The following KCNH8 variants were observed in gnomAD, a reference collection of about 807,000 sequenced individuals.
The protein encoded by KCNH8 is potassium voltage-gated channel subfamily H member 8.
KCNH8 carries 70 observed loss-of-function variants against 103.6 expected under a neutral mutation model. The observed-to-expected ratio is 0.68, with a 90% confidence interval of 0.56 to 0.82. The LOEUF is 0.82. KCNH8 is among the 40% of genes least tolerant of loss of function. The probability of loss-of-function intolerance (pLI) is 0.00; values close to 1 mark genes in which losing one functional copy is unlikely to be tolerated. For missense variants in KCNH8, 1,217 were observed against 1,329.9 expected (o/e 0.92, Z 1.32); for synonymous variants, 498 against 489.4 (o/e 1.02, Z -0.23).
chr3:19,438,345 C>G lies in KCNH8; in HGVS notation c.1359C>G (p.Cys453Trp), dbSNP rs534263623. 1 of 1,613,590 alleles carries G rather than the reference C, an allele frequency of 6.2e-7. No homozygotes were observed. The highest frequency in any genetic ancestry group is 1.7e-5 in the Admixed American group (1 of 59,902). ...NTDAEKIFSI[C>W]TMLIGALMHA... Reference sequence around the variant, plus strand: ...ATGCAGAAAAGATCTTCTCCATCTGCACCATGCTGATTGGTGGTAAGAGAG... The same window carrying G: ...ATGCAGAAAAGATCTTCTCCATCTGGACCATGCTGATTGGTGGTAAGAGAG... The change falls in exon 8 of 16, where the codon TGC becomes TGG. Residue 453 changes from cysteine (C) to tryptophan (W), a missense_variant. Physicochemically the swap from Cys to Trp is radical, Grantham distance 215 (BLOSUM62 -2). This residue lies in a region of KCNH8 where 415 missense variants were observed against 577.4 expected (regional missense o/e 0.72). Transcript: ENST00000328405.
chr3:19,260,159 C>T (rs2125257998), intron 2 of KCNH8, among the ~76,000 whole-genome samples: 1 of 151,550 alleles, frequency 6.6e-6, no homozygotes, highest in Admixed American at 6.6e-5. Context: ...CATATTTTAG[C>T]TTCAAATACA....
chr3:19,306,703 A>G lies in KCNH8; in HGVS notation c.442+25374A>G, dbSNP rs868021551. ...ATGGGAGCAGGAGCCCCAGAGCCAG[A>G]ATTATTGTTCCATCTTCCTTGCCAA... is the stretch of plus-strand genomic sequence containing the variant. On this transcript the variant is annotated intron_variant, in intron 3 of 15. Coordinates refer to ENST00000328405, the MANE Select transcript of KCNH8 (RefSeq NM_144633.3). Among the ~76,000 whole-genome samples the G allele has an allele frequency of 2.0e-5, 3 of 152,214 alleles. No homozygotes were observed. The Middle Eastern group carries it at 0.01, about 518-fold the overall frequency.
At chr3:19,252,681 C>T (rs143190503) in intron 1 of KCNH8, among the ~76,000 whole-genome samples, 222 of 152,228 alleles carry the variant, frequency 1.5e-3, no homozygotes, top group African/African-American at 4.3e-3. Flanking sequence ...AGCCACCACA[C>T]CCAGCCTGAA....
At chr3:19,489,545 G>A (rs536553786) in intron 11 of KCNH8, among the ~76,000 whole-genome samples, 160 of 152,162 alleles carry the variant, frequency 1.1e-3, no homozygotes, top group Middle Eastern at 3.4e-3. Context: ...GATGGCCAAC[G>A]TACCTGTAAT....
chr3:19,262,731 G>A lies in KCNH8; in HGVS notation c.310+8844G>A, dbSNP rs566168281. Among the ~76,000 whole-genome samples, 484 of 151,986 alleles carry A rather than the reference G, an allele frequency of 3.2e-3. 3 individuals are homozygous for A. Among genetic ancestry groups the A allele is most frequent in the Non-Finnish European group, 5.7e-3 (389 of 67,958 alleles). ...GAATACCAGAGTTCCTAGCGTGGACGACACTTGTAGTTGCTTTAGAATTTC... is the reference window on the plus strand; with the variant it reads ...GAATACCAGAGTTCCTAGCGTGGACAACACTTGTAGTTGCTTTAGAATTTC... On this transcript the variant is annotated intron_variant, in intron 2 of 15. Coordinates refer to ENST00000328405, the MANE Select transcript of KCNH8 (RefSeq NM_144633.3).
chr3:19,287,951 G>T (rs1358926253), intron 3 of KCNH8, among the ~76,000 whole-genome samples: 1 of 151,958 alleles, frequency 6.6e-6, no homozygotes, highest in African/African-American at 2.4e-5. Flanking sequence ...AAGTCAAGCT[G>T]CCCTGTTCAT....
chr3:19,515,823 G>T (rs1361842533), intron 14 of KCNH8, among the ~76,000 whole-genome samples: 1 of 152,036 alleles, frequency 6.6e-6, no homozygotes, highest in Non-Finnish European at 1.5e-5. Context: ...AGTTTATTCA[G>T]TGTGAGGTTA....
At chr3:19,328,640 A>G (rs1331407267) in intron 3 of KCNH8, among the ~76,000 whole-genome samples, 1 of 152,298 alleles carries the variant, frequency 6.6e-6, no homozygotes, top group East Asian at 1.9e-4. Flanking sequence ...ATATAAATAG[A>G]AAGTAATAGC....
rs776601881 is a variant in KCNH8 at position 19,350,364 on chromosome 3, C to T, written c.811+2399C>T. On this transcript the variant is annotated intron_variant, in intron 5 of 15. Transcript: ENST00000328405. The stretch of plus-strand genomic sequence containing the variant: ...AGACTTAAACTTCCCTGTCTGACAG[C>T]TTTGAAGAGAGGAGCGGTTCTCCCA... Among the ~76,000 whole-genome samples, 149 of 152,122 alleles carry T rather than the reference C, an allele frequency of 9.8e-4. 1 individual carries two copies. In the Middle Eastern group the frequency reaches 0.01, roughly 10 times the overall value.
chr3:19,406,127 T>C lies in KCNH8; in HGVS notation c.1177+10816T>C, dbSNP rs138452589. On this transcript the variant is annotated intron_variant, in intron 7 of 15. Transcript: ENST00000328405. ...CAACTAATGCCTTGGTCTGTTGACATATCTTTAGTGGTAAATGAAAACTAC... is the reference window on the plus strand; with the variant it reads ...CAACTAATGCCTTGGTCTGTTGACACATCTTTAGTGGTAAATGAAAACTAC... Among the ~76,000 whole-genome samples, 21 of 152,198 alleles carry C rather than the reference T, an allele frequency of 1.4e-4. 1 individual carries two copies. In the East Asian group the frequency reaches 3.1e-3, roughly 22 times the overall value.
chr3:19,482,366 G>A (rs1295307911), intron 11 of KCNH8, among the ~76,000 whole-genome samples: 1 of 152,154 alleles, frequency 6.6e-6, no homozygotes, highest in Non-Finnish European at 1.5e-5. Context: ...GACAATATGA[G>A]GGGTGGTCTC....
intron 5 of KCNH8, among the ~76,000 whole-genome samples, chr3:19,384,532 A>T (rs567221066): frequency 6.6e-6 from 1 of 152,332 alleles, no homozygotes; most frequent in African/African-American, 2.4e-5. Flanking sequence ...TTCAGTATTT[A>T]GTAATAAAAG....
At chr3:19,245,909 C>G (rs2064198475) in intron 1 of KCNH8, among the ~76,000 whole-genome samples, 1 of 151,974 alleles carries the variant, frequency 6.6e-6, no homozygotes, top group Admixed American at 6.6e-5. Context: ...ACTTATTTTC[C>G]CATTTGAATA....
intron 6 of KCNH8, chr3:19,391,674 T>C (rs2066439823): frequency 6.6e-6 from 1 of 152,052 alleles, no homozygotes; most frequent in African/African-American, 2.4e-5. Context: ...TTTCTTTTTA[T>C]TCTTTTTCTT....
At chr3:19,493,826 G>C (rs967722685) in intron 11 of KCNH8, among the ~76,000 whole-genome samples, 1 of 152,014 alleles carries the variant, frequency 6.6e-6, no homozygotes, top group Non-Finnish European at 1.5e-5. Context: ...ATTAGTACAT[G>C]ATGAACCATT....
chr3:19,442,037 T>C (rs532256324), intron 8 of KCNH8, among the ~76,000 whole-genome samples: 1 of 152,262 alleles, frequency 6.6e-6, no homozygotes, highest in East Asian at 1.9e-4. Flanking sequence ...GAGAGTTTCT[T>C]GGAAAGACAG....
intron 5 of KCNH8, among the ~76,000 whole-genome samples, chr3:19,381,688 C>A (rs1559300079): frequency 1.3e-5 from 2 of 151,240 alleles, no homozygotes; most frequent in African/African-American, 4.9e-5. Context: ...ACGAGAATTG[C>A]TAAAAGGGAA....
intron 5 of KCNH8, among the ~76,000 whole-genome samples, chr3:19,387,898 G>A (rs1307229011): frequency 6.7e-6 from 1 of 149,544 alleles, no homozygotes; most frequent in Non-Finnish European, 1.5e-5. Flanking sequence ...CTCTTTAAAC[G>A]AATATTCTCT....
At chr3:19,153,635 C>CTTTTTTTTTT (rs773828081) in intron 1 of KCNH8, among the ~76,000 whole-genome samples, 1 of 128,914 alleles carries the variant, frequency 7.8e-6, no homozygotes, top group Non-Finnish European at 1.7e-5. Flanking sequence ...TTTCTTTTTT[C>CTTTTTTTTTT]TTTTTTTTTT....
Sources: allele counts gnomAD v4.1 joint callset (sites outside exome capture counted in the v4.1 genomes callset), GRCh38; gene constraint gnomAD v4.1.1; regional missense constraint gnomAD v4.1.1; transcripts MANE v1.5; gene names NCBI Gene and HGNC (gene_info 2026-07-23, HGNC 2026-07-21).